The following PLXDC1 variants were observed in gnomAD, a reference collection of about 807,000 sequenced individuals.
PLXDC1 encodes plexin domain-containing protein 1.
In PLXDC1, 39 loss-of-function variants were observed where a neutral mutation model predicts 61.3. The ratio of observed to expected loss-of-function variants is 0.64; its 90% confidence interval spans 0.49 to 0.83. PLXDC1 has a LOEUF of 0.83. Ranked by LOEUF, PLXDC1 falls within the 40% of genes least tolerant of loss-of-function variation. PLXDC1 has a pLI of 0.00. For synonymous variants in PLXDC1, 212 were observed against 254.5 expected, an observed-to-expected ratio of 0.83 and a Z score of 1.59; for missense variants, 596 against 666.5, an observed-to-expected ratio of 0.89 and a Z score of 1.17.
At chr17:39,109,798 C>A (rs565347751) in intron 2 of PLXDC1, among the ~76,000 whole-genome samples, 2 of 152,270 alleles carry the variant, frequency 1.3e-5, no homozygotes, top group South Asian at 4.1e-4. Context: ...AGCTCCCAGG[C>A]CGAGGGAGAG....
chr17:39,097,519 C>G (rs1910250281), intron 7 of PLXDC1, among the ~76,000 whole-genome samples: 1 of 151,882 alleles, frequency 6.6e-6, no homozygotes, highest in South Asian at 2.1e-4. Context: ...CATTTTAAAC[C>G]CCAATGAGGG....
intron 2 of PLXDC1, among the ~76,000 whole-genome samples, chr17:39,125,597 A>G (rs1338602543): frequency 6.6e-6 from 1 of 152,180 alleles, no homozygotes; most frequent in Non-Finnish European, 1.5e-5. Context: ...CCCATCCCTC[A>G]TCTGGTCCCA....
chr17:39,088,397 C>T, intron 7 of PLXDC1, among the ~76,000 whole-genome samples: 1 of 152,308 alleles, frequency 6.6e-6, no homozygotes, highest in Non-Finnish European at 1.5e-5. Flanking sequence ...GTCAGGAGAT[C>T]CAAGTTCGTT....
chr17:39,105,492 T>A (rs920436365), intron 7 of PLXDC1, among the ~76,000 whole-genome samples: 1 of 152,038 alleles, frequency 6.6e-6, no homozygotes, highest in Non-Finnish European at 1.5e-5. Flanking sequence ...CCTATGATGC[T>A]CCCTTTATCA....
At chr17:39,069,765 A>C in intron 13 of PLXDC1, 91 bp downstream of exon 13, 1 of 959,594 alleles carries the variant, frequency 1.0e-6, no homozygotes, top group Admixed American at 1.9e-5. Context: ...GTGGCAGGGG[A>C]GAGGGAGAAG....
At chr17:39,110,107 CAG>C (rs1910746590) in intron 2 of PLXDC1, among the ~76,000 whole-genome samples, 1 of 150,576 alleles carries the variant, frequency 6.6e-6, no homozygotes, top group African/African-American at 2.5e-5. Context: ...GCCTGGGCGA[CAG>C]AGCGAGACTC....
intron 1 of PLXDC1, among the ~76,000 whole-genome samples, chr17:39,149,509 C>CT (rs2045360896): frequency 6.6e-6 from 1 of 152,216 alleles, no homozygotes; most frequent in Non-Finnish European, 1.5e-5. Context: ...CCTCTGGCTT[C>CT]TTACAGATTC....
chr17:39,094,270 CA>C (rs945623072), intron 7 of PLXDC1, among the ~76,000 whole-genome samples: 7 of 152,146 alleles, frequency 4.6e-5, no homozygotes, highest in Non-Finnish European at 7.3e-5. Flanking sequence ...TCATTACTCC[CA>C]GGGGCCATCT....
chr17:39,106,444 G>A (rs1412805195), intron 6 of PLXDC1, among the ~76,000 whole-genome samples: 2 of 150,966 alleles, frequency 1.3e-5, no homozygotes, highest in Non-Finnish European at 3.0e-5. Context: ...CCCTTGCCCT[G>A]TCCTGCCCCT....
At chr17:39,141,618 G>C (rs1169301791) in intron 1 of PLXDC1, among the ~76,000 whole-genome samples, 1 of 152,184 alleles carries the variant, frequency 6.6e-6, no homozygotes, top group Non-Finnish European at 1.5e-5. Context: ...ATATCTCTTT[G>C]AGACCTGGCC....
chr17:39,122,039 G>A (rs1597653136), intron 2 of PLXDC1, among the ~76,000 whole-genome samples: 1 of 144,946 alleles, frequency 6.9e-6, no homozygotes, highest in South Asian at 2.3e-4. Flanking sequence ...GGAGGTTGTC[G>A]TGAGCTGAGA....
At chr17:39,115,339 C>A (rs1250958541) in intron 2 of PLXDC1, among the ~76,000 whole-genome samples, 1 of 152,258 alleles carries the variant, frequency 6.6e-6, no homozygotes, top group Non-Finnish European at 1.5e-5. Flanking sequence ...CCTAACGATG[C>A]CCTACTCAGG....
intron 2 of PLXDC1, among the ~76,000 whole-genome samples, chr17:39,132,347 C>T (rs1479565120): frequency 1.3e-5 from 2 of 152,112 alleles, no homozygotes; most frequent in African/African-American, 2.4e-5. Context: ...GATCTCTTGA[C>T]TCAGCACTAT....
chr17:39,078,194 A>G (rs1042856715), intron 10 of PLXDC1, 146 bp from the exon 11 acceptor site: 11 of 799,028 alleles, frequency 1.4e-5, no homozygotes, highest in Non-Finnish European at 1.9e-5. Flanking sequence ...TCTTAAATAA[A>G]TAGAGCAAAT....
chr17:39,090,889 C>CTG (rs1555570984), intron 7 of PLXDC1, among the ~76,000 whole-genome samples: 10,544 of 41,306 alleles, frequency 0.26, 1,220 homozygotes, highest in African/African-American at 0.36. Context: ...CTCCCTCTGT[C>CTG]TCTCTCTCTC....
At chr17:39,103,845 CAAA>C (rs11370520) in intron 7 of PLXDC1, among the ~76,000 whole-genome samples, 6 of 116,540 alleles carry the variant, frequency 5.1e-5, no homozygotes, top group Non-Finnish European at 5.2e-5. Context: ...GACTCTGTCT[CAAA>C]AAAAAAAAAA....
rs763874973 is a variant in PLXDC1 at position 39,105,889 on chromosome 17, G to T, written c.776C>A (p.Ala259Asp). ...QHPVKTGLSD[A>D]FMILNPSPDV... ...CGGGGATGGATTGAGAATCATGAAG[G>T]CATCCGATAGGCCGGTTTTGACAGG... is the stretch of plus-strand genomic sequence containing the variant. Residue 259 changes from alanine (A) to aspartate (D), a missense_variant, in exon 7 of 14, where the codon GCC (alanine) becomes GAC (aspartate). Coordinates refer to ENST00000315392, the MANE Select transcript of PLXDC1 (RefSeq NM_020405.5). The T allele has an allele frequency of 6.2e-7, 1 of 1,613,814 alleles. No individual in the cohort carries two copies. The highest frequency in any genetic ancestry group is 1.7e-5 in the Admixed American group (1 of 60,010).
intron 2 of PLXDC1, among the ~76,000 whole-genome samples, chr17:39,120,746 C>T (rs1453134202): frequency 1.3e-5 from 2 of 148,554 alleles, no homozygotes; most frequent in East Asian, 4.0e-4. Context: ...CATATGCCAC[C>T]ACACCCAGCT....
At chr17:39,147,633 G>A (rs1210064855) in intron 1 of PLXDC1, among the ~76,000 whole-genome samples, 1 of 152,010 alleles carries the variant, frequency 6.6e-6, no homozygotes, top group East Asian at 1.9e-4. Context: ...AGGAAGTGCA[G>A]GGAGGGACCA....
Sources: allele counts gnomAD v4.1 joint callset (sites outside exome capture counted in the v4.1 genomes callset), GRCh38; gene constraint gnomAD v4.1.1; transcripts MANE v1.5; gene names NCBI Gene and HGNC (gene_info 2026-07-23, HGNC 2026-07-21).